Variants in IL1RAPL2 observed in about 807,000 individuals in gnomAD.
IL1RAPL2 encodes the protein X-linked interleukin-1 receptor accessory protein-like 2.
Under a neutral mutation model 44.1 loss-of-function variants are expected in IL1RAPL2, and 3 were observed. The observed-to-expected ratio is 0.07, with a 90% CI of 0.03 to 0.18. The LOEUF is 0.18. IL1RAPL2 is among the 10% of genes least tolerant of loss of function. IL1RAPL2 has a pLI of 1.00. For missense variants in IL1RAPL2, 391 were observed against 496.4 expected, an observed-to-expected ratio of 0.79 and a Z score of 2.02; for synonymous variants, 181 against 178.8, an observed-to-expected ratio of 1.01 and a Z score of -0.10.
At chrX:105,248,976 A>G (rs769472494) in intron 4 of IL1RAPL2, among the ~76,000 whole-genome samples, 1 of 111,498 alleles carries the variant, frequency 9.0e-6, no homozygotes, top group African/African-American at 3.3e-5. Context: ...CATATGATCT[A>G]GCAATCCCAC....
intron 6 of IL1RAPL2, among the ~76,000 whole-genome samples, chrX:105,613,236 C>G (rs780912113): frequency 9.0e-6 from 1 of 111,365 alleles, no homozygotes; most frequent in Non-Finnish European, 1.9e-5. Flanking sequence ...CAGAAGAGAA[C>G]CCAGTGCCTT....
At chrX:105,647,541 T>G (rs757090753) in intron 6 of IL1RAPL2, among the ~76,000 whole-genome samples, 2 of 111,733 alleles carry the variant, frequency 1.8e-5, no homozygotes, top group South Asian at 7.6e-4. Context: ...TCAGCTGAGT[T>G]ACAAACCCCG....
intron 5 of IL1RAPL2, among the ~76,000 whole-genome samples, chrX:105,352,811 A>T (rs1180057712): frequency 1.2e-4 from 13 of 108,046 alleles, no homozygotes; most frequent in Non-Finnish European, 1.5e-4. Flanking sequence ...GTTTGAGTTC[A>T]TTGTAGATTC....
intron 1 of IL1RAPL2, among the ~76,000 whole-genome samples, chrX:104,655,068 T>A (rs973119609): frequency 7.3e-4 from 82 of 111,723 alleles, no homozygotes; most frequent in African/African-American, 2.5e-3. Flanking sequence ...TTAAGGAGAT[T>A]TTGGGCTGAG....
chrX:104,786,926 TC>T (rs1932801552), intron 2 of IL1RAPL2, among the ~76,000 whole-genome samples: 1 of 12,135 alleles, frequency 8.2e-5, no homozygotes, highest in African/African-American at 2.4e-4. Context: ...ATATTCTCTC[TC>T]TCTCTCTCTC....
chrX:104,912,347 C>G (rs966586282), intron 2 of IL1RAPL2, among the ~76,000 whole-genome samples: 7 of 110,438 alleles, frequency 6.3e-5, no homozygotes, highest in African/African-American at 2.3e-4. Flanking sequence ...GGAATAGAAT[C>G]CTTTCTCCTG....
chrX:105,187,022 C>T (rs782084097), intron 2 of IL1RAPL2, among the ~76,000 whole-genome samples: 5 of 111,737 alleles, frequency 4.5e-5, no homozygotes, highest in Non-Finnish European at 9.4e-5. Context: ...GTTTTGAGTA[C>T]ACACTCTATT....
chrX:104,934,219 C>A lies in IL1RAPL2; in HGVS notation c.83-261256C>A, dbSNP rs1924975297. On this transcript the variant is annotated intron_variant, in intron 2 of 10. Transcript: ENST00000372582. The stretch of plus-strand genomic sequence containing the variant: ...TAAAACAAATTTGTAAATACACTCA[C>A]AACTTTTTTTTTTTTTGCATTCCGT... 2.8e-5 allele frequency among the ~76,000 whole-genome samples: 3 copies of A among 108,948 alleles called. No homozygotes were observed. The South Asian group carries it at 1.2e-3, about 43-fold the overall frequency. The allele number at this position is 108,948 out of a possible 115,157, so 94.6% of individuals were successfully genotyped here. A position where few individuals can be genotyped will look rare whatever the true frequency, so the allele number is the denominator to read the frequency against.
At chrX:105,344,059 T>G (rs2147701048) in intron 5 of IL1RAPL2, among the ~76,000 whole-genome samples, 1 of 110,918 alleles carries the variant, frequency 9.0e-6, no homozygotes, top group African/African-American at 3.3e-5. Flanking sequence ...CACACCTGGC[T>G]AATTTTTCTA....
rs138241908 is a variant in IL1RAPL2, at chrX:105,750,161, G to T, written c.1192+1058G>T. Among the ~76,000 whole-genome samples the T allele has an allele frequency of 3.6e-3, 395 of 109,977 alleles. 1 individual carries two copies. The highest frequency in any genetic ancestry group is 0.013 in the African/African-American group (381 of 30,340). ...TTTGGTCTTATTGTTACTATTATGT[G>T]AATGATCATATGGGTGGGTTTTAAT... On this transcript the variant is annotated intron_variant, in intron 9 of 10. Coordinates refer to ENST00000372582, the MANE Select transcript of IL1RAPL2 (RefSeq NM_017416.2).
chrX:105,075,909 C>G (rs745462010), intron 2 of IL1RAPL2, among the ~76,000 whole-genome samples: 2 of 111,139 alleles, frequency 1.8e-5, no homozygotes, highest in Non-Finnish European at 3.8e-5. Flanking sequence ...CATTTTTCAT[C>G]GTGTCTATTT....
At chrX:104,921,013 G>A (rs1033603353) in intron 2 of IL1RAPL2, among the ~76,000 whole-genome samples, 7 of 111,201 alleles carry the variant, frequency 6.3e-5, no homozygotes, top group African/African-American at 1.3e-4. Context: ...CCCCCAGACC[G>A]GTGCCATTCC....
chrX:104,585,468 G>A (rs1928542885), intron 1 of IL1RAPL2, among the ~76,000 whole-genome samples: 1 of 76,117 alleles, frequency 1.3e-5, no homozygotes, highest in South Asian at 6.7e-4. Context: ...TTTAAGTTCA[G>A]GGGTACATGT....
intron 5 of IL1RAPL2, among the ~76,000 whole-genome samples, chrX:105,449,407 A>G (rs779146455): frequency 9.1e-6 from 1 of 109,462 alleles, no homozygotes; most frequent in Admixed American, 9.8e-5. Flanking sequence ...ACACGGTGAA[A>G]CCCCGCCTCT....
chrX:104,936,221 T>A (rs1196279195), intron 2 of IL1RAPL2, among the ~76,000 whole-genome samples: 1 of 112,066 alleles, frequency 8.9e-6, no homozygotes, highest in Non-Finnish European at 1.9e-5. Context: ...TACCAGGCAG[T>A]AGCGTCCATC....
At chrX:105,579,215 A>G (rs2037071493) in intron 6 of IL1RAPL2, among the ~76,000 whole-genome samples, 1 of 111,976 alleles carries the variant, frequency 8.9e-6, no homozygotes, top group Admixed American at 9.5e-5. Context: ...CAAGAAAAAA[A>G]TATCAACCCT....
intron 7 of IL1RAPL2, among the ~76,000 whole-genome samples, chrX:105,728,319 A>G (rs1396141759): frequency 9.0e-6 from 1 of 111,632 alleles, no homozygotes; most frequent in Non-Finnish European, 1.9e-5. Context: ...ACTTAGTAAT[A>G]TGCATTTAAG....
chrX:105,218,475 C>T (rs1476117956), intron 3 of IL1RAPL2, among the ~76,000 whole-genome samples: 1 of 111,298 alleles, frequency 9.0e-6, no homozygotes, highest in Non-Finnish European at 1.9e-5. Flanking sequence ...ATCCATTTGG[C>T]TCTGGATGGG....
chrX:105,142,439 A>G (rs2033133327), intron 2 of IL1RAPL2, among the ~76,000 whole-genome samples: 1 of 111,069 alleles, frequency 9.0e-6, no homozygotes, highest in Non-Finnish European at 1.9e-5. Flanking sequence ...TCATTAGCCA[A>G]CAGTCCCTGA....
Sources: gnomAD v4.1 joint callset for allele counts (sites outside exome capture counted in the v4.1 genomes callset) on GRCh38, gnomAD v4.1.1 for gene constraint, MANE v1.5 for transcripts, NCBI Gene and HGNC (gene_info 2026-07-23, HGNC 2026-07-21) for gene names.